Variants in HECW1 observed in about 807,000 individuals in gnomAD.
The protein encoded by HECW1 is HECT, C2 and WW domain containing E3 ubiquitin protein ligase 1, also known as E3 ubiquitin-protein ligase HECW1.
In HECW1, 61 loss-of-function variants were observed where a neutral mutation model predicts 182.3. The observed-to-expected ratio is 0.33, with a 90% CI of 0.27 to 0.41. HECW1 has a LOEUF of 0.41. Ranked by LOEUF, HECW1 falls within the 10% of genes least tolerant of loss-of-function variation. HECW1 has a pLI of 1.00. For missense variants in HECW1, 1,739 were observed against 2,108.9 expected (o/e 0.82, Z 3.44); for synonymous variants, 859 against 832.6 (o/e 1.03, Z -0.55).
At chr7:43,251,655 C>G (rs1487044132) in intron 3 of HECW1, among the ~76,000 whole-genome samples, 1 of 152,132 alleles carries the variant, frequency 6.6e-6, no homozygotes, top group Non-Finnish European at 1.5e-5. Flanking sequence ...ATTCACAGGT[C>G]TAAATAGCTA....
intron 29 of HECW1, among the ~76,000 whole-genome samples, chr7:43,556,579 T>G (rs559792473): frequency 6.6e-6 from 1 of 151,974 alleles, no homozygotes; most frequent in East Asian, 1.9e-4. Context: ...TCCCAGCTAT[T>G]TGGGAAGCTG....
intron 6 of HECW1, among the ~76,000 whole-genome samples, chr7:43,365,806 A>G (rs536567297): frequency 9.8e-5 from 15 of 152,340 alleles, no homozygotes; most frequent in African/African-American, 3.6e-4. Context: ...CCAAAGAACA[A>G]AGAACGGCTG....
At chr7:43,515,213 G>A (rs2080084897) in intron 24 of HECW1, among the ~76,000 whole-genome samples, 1 of 152,186 alleles carries the variant, frequency 6.6e-6, no homozygotes, top group South Asian at 2.1e-4. Context: ...GGCTGGAAAG[G>A]CATCCTGGTG....
intron 2 of HECW1, among the ~76,000 whole-genome samples, chr7:43,212,304 C>G (rs1325936216): frequency 1.3e-5 from 2 of 152,216 alleles, no homozygotes; most frequent in Non-Finnish European, 2.9e-5. Flanking sequence ...AGATCATACA[C>G]TCTTTATTTA....
At chr7:43,288,701 C>T (rs1804986664) in intron 3 of HECW1, among the ~76,000 whole-genome samples, 1 of 152,160 alleles carries the variant, frequency 6.6e-6, no homozygotes, top group Non-Finnish European at 1.5e-5. Flanking sequence ...TTGGAAAATG[C>T]TGTGCAAAGG....
In HECW1 at chr7:43,492,112, T is replaced by C. The variant is rs201511376; in HGVS notation, c.3272T>C (p.Leu1091Pro). 5.0e-6 allele frequency: 8 copies of C among 1,605,530 alleles called. No individual in the cohort carries two copies. In the African/African-American group the frequency reaches 9.5e-5, roughly 19 times the overall value. Residue 1091 changes from leucine to proline, a missense_variant, in exon 18 of 30, where the codon CTG becomes CCG. Physicochemically the swap from Leu to Pro is moderately conservative, Grantham distance 98. Coordinates refer to ENST00000395891, the MANE Select transcript of HECW1 (RefSeq NM_015052.5). Reference protein sequence around the residue: ...EVSRNRGASLLARPGHSLVAA... With the variant: ...EVSRNRGASLPARPGHSLVAA... Reference sequence around the variant, plus strand: ...TCTAGAAACAGAGGAGCCTCTTTACTGGCCAGGCCAGGACACAGCTTAGTA... The same window carrying C: ...TCTAGAAACAGAGGAGCCTCTTTACCGGCCAGGCCAGGACACAGCTTAGTA...
rs537747229 is a variant in HECW1, at chr7:43,194,102, G to T, written c.-31-49773G>T. ...TCTCTTTTAATGTTAATGCTGGTCA[G>T]TGGTGCCTGAACTCCAAAGGGAGGA... On this transcript the variant is annotated intron_variant, in intron 2 of 29. Transcript: ENST00000395891. Among the ~76,000 whole-genome samples the T allele has an allele frequency of 2.6e-5, 4 of 152,298 alleles. No individual in the cohort carries two copies. In the South Asian group the frequency reaches 8.3e-4, roughly 32 times the overall value.
intron 8 of HECW1, among the ~76,000 whole-genome samples, chr7:43,421,418 T>C (rs2076179592): frequency 1.3e-5 from 2 of 152,104 alleles, no homozygotes; most frequent in African/African-American, 4.8e-5. Flanking sequence ...AAAGCATTAA[T>C]CATAAAATAA....
At chr7:43,226,381 C>T (rs1044635704) in intron 2 of HECW1, among the ~76,000 whole-genome samples, 2 of 152,112 alleles carry the variant, frequency 1.3e-5, no homozygotes, top group East Asian at 3.9e-4. Flanking sequence ...CCCTGCCTCC[C>T]CAGTGGGGTG....
At chr7:43,524,412 C>T (rs758632967) in intron 24 of HECW1, among the ~76,000 whole-genome samples, 1 of 152,018 alleles carries the variant, frequency 6.6e-6, no homozygotes, top group Non-Finnish European at 1.5e-5. Flanking sequence ...TGTGTGGGAA[C>T]GTCATGAAGT....
At chr7:43,136,442 C>T (rs978941636) in intron 2 of HECW1, among the ~76,000 whole-genome samples, 2 of 152,222 alleles carry the variant, frequency 1.3e-5, no homozygotes, top group Non-Finnish European at 2.9e-5. Flanking sequence ...TGAGAGCACA[C>T]TCCTTCCTCA....
intron 5 of HECW1, among the ~76,000 whole-genome samples, chr7:43,344,976 A>G (rs1184156997): frequency 2.0e-5 from 3 of 151,812 alleles, no homozygotes; most frequent in Admixed American, 1.3e-4. Flanking sequence ...TTTGTTTTTA[A>G]TTTAGAAAGG....
intron 24 of HECW1, chr7:43,511,824 A>G (rs561910454): frequency 5.6e-6 from 1 of 179,978 alleles, no homozygotes; most frequent in African/African-American, 2.4e-5. Flanking sequence ...GCATTTTAGC[A>G]AAGGGAAGCT....
chr7:43,505,184 A>G lies in HECW1; in HGVS notation c.3632-1953A>G, dbSNP rs566420229. Among the ~76,000 whole-genome samples the G allele has an allele frequency of 1.1e-4, 17 of 152,228 alleles. No homozygotes were observed. The East Asian group carries it at 3.1e-3, about 28-fold the overall frequency. ...GGGACTATCATCAAAGACCAAGTTC[A>G]TGCTCTTCCCCCACAAATGTGTTCT... On this transcript the variant is annotated intron_variant, in intron 21 of 29. Transcript: ENST00000395891.
At chr7:43,478,373 G>A (rs1043303298) in intron 16 of HECW1, among the ~76,000 whole-genome samples, 4 of 152,074 alleles carry the variant, frequency 2.6e-5, no homozygotes, top group Admixed American at 6.5e-5. Flanking sequence ...CTGAGATCGC[G>A]CCACTGCACT....
intron 24 of HECW1, among the ~76,000 whole-genome samples, chr7:43,525,144 A>G (rs1431557025): frequency 1.3e-5 from 2 of 152,196 alleles, no homozygotes; most frequent in Admixed American, 1.3e-4. Flanking sequence ...GGACAAAGGA[A>G]AGTAAAGCAC....
At chr7:43,226,888 C>T (rs1055815752) in intron 2 of HECW1, among the ~76,000 whole-genome samples, 18 of 152,306 alleles carry the variant, frequency 1.2e-4, no homozygotes, top group East Asian at 3.9e-4. Context: ...GTGGGGGCTC[C>T]AGAACACAGG....
chr7:43,193,007 T>G (rs1365208939), intron 2 of HECW1, among the ~76,000 whole-genome samples: 1 of 152,202 alleles, frequency 6.6e-6, no homozygotes, highest in Non-Finnish European at 1.5e-5. Context: ...ATATGCTAAA[T>G]GATGGTTGCA....
At chr7:43,270,368 G>A (rs1802263823) in intron 3 of HECW1, among the ~76,000 whole-genome samples, 1 of 152,160 alleles carries the variant, frequency 6.6e-6, no homozygotes, top group South Asian at 2.1e-4. Context: ...TGGCAAACTA[G>A]GGAAACTGTC....
Sources: allele counts gnomAD v4.1 joint callset (sites outside exome capture counted in the v4.1 genomes callset), GRCh38; gene constraint gnomAD v4.1.1; transcripts MANE v1.5; gene names NCBI Gene and HGNC (gene_info 2026-07-23, HGNC 2026-07-21).